Variants in FSTL4 observed in about 807,000 individuals in gnomAD.
FSTL4 encodes follistatin-related protein 4.
In FSTL4, 28 loss-of-function variants were observed where a neutral mutation model predicts 78.2. The observed-to-expected ratio is 0.36, with a 90% confidence interval of 0.27 to 0.49. The LOEUF (loss-of-function observed/expected upper bound fraction) is 0.49, where lower values mean the gene tolerates loss of function less well. FSTL4 is among the 20% of genes least tolerant of loss of function. The pLI is 0.98. For synonymous variants in FSTL4, 422 were observed against 440.5 expected (o/e 0.96, Z 0.53); for missense variants, 922 against 1,084.9 (o/e 0.85, Z 2.11).
chr5:133,340,590 G>C (rs762743040), intron 4 of FSTL4, among the ~76,000 whole-genome samples: 7 of 152,046 alleles, frequency 4.6e-5, no homozygotes, highest in Non-Finnish European at 7.4e-5. Flanking sequence ...CACATTTCCT[G>C]GTATCTCTAA....
At position 133,605,484 on chromosome 5, in the gene FSTL4, T is replaced by G. The variant is rs376076385; in HGVS notation, c.-10-1491A>C. On this transcript the variant is annotated intron_variant, in intron 1 of 15. Transcript: ENST00000265342. ...CTACTTTAGACAATGGGGTGGAAGT[T>G]GTCACATAGTCACTAGTGCTGAGTC... Among the ~76,000 whole-genome samples the G allele has an allele frequency of 6.6e-4, 100 of 152,294 alleles. 4 individuals carry two copies. In the South Asian group the frequency reaches 0.02, roughly 31 times the overall value.
chr5:133,788,688 G>A, the FSTL4 span, among the ~76,000 whole-genome samples: 4 of 152,300 alleles, frequency 2.6e-5, no homozygotes, highest in Admixed American at 2.6e-4. Flanking sequence ...CATTGTTCTT[G>A]TGTGAATTCC....
chr5:133,309,641 A>G (rs1001950671), intron 6 of FSTL4, among the ~76,000 whole-genome samples: 1 of 152,228 alleles, frequency 6.6e-6, no homozygotes, highest in African/African-American at 2.4e-5. Context: ...AGCCAGGGCC[A>G]GGCCAGCTGC....
intron 3 of FSTL4, among the ~76,000 whole-genome samples, chr5:133,428,550 G>C (rs1756874586): frequency 2.6e-5 from 4 of 152,222 alleles, no homozygotes; most frequent in South Asian, 4.1e-4. Context: ...CTGGGCATGA[G>C]ACCTGTGTGA....
chr5:133,674,595 GTGTGTGTGTGTGTGTC>G, the FSTL4 span, among the ~76,000 whole-genome samples: 1 of 148,994 alleles, frequency 6.7e-6, no homozygotes, highest in Non-Finnish European at 1.5e-5. Context: ...ATGTGTGTGT[GTGTGTGTGTGTGTGTC>G]TGTGTGTGTG....
intron 6 of FSTL4, among the ~76,000 whole-genome samples, chr5:133,250,325 C>G (rs1752180981): frequency 6.6e-6 from 1 of 152,212 alleles, no homozygotes; most frequent in Admixed American, 6.5e-5. Context: ...TAATCAAACT[C>G]AGGCTGCTCA....
At position 133,361,371 on chromosome 5, in the gene FSTL4, T is replaced by C. The variant is rs1755065843; in HGVS notation, c.409+39367A>G. On this transcript the variant is annotated intron_variant, in intron 4 of 15. Coordinates refer to ENST00000265342, the MANE Select transcript of FSTL4 (RefSeq NM_015082.2). This position sits in a 1 kb window ranked among gnomAD's most constrained non-coding sequence, Gnocchi z 4.3. ...GATAATCCTTTATAGTTATTTACTA[T>C]CTAATTGAGAAGCACCCTTTCTGTC... Among the ~76,000 whole-genome samples the C allele has an allele frequency of 2.6e-5, 4 of 152,210 alleles. No homozygotes were observed.
At chr5:133,200,780 TC>T (rs1750296120) in intron 15 of FSTL4, among the ~76,000 whole-genome samples, 1 of 152,170 alleles carries the variant, frequency 6.6e-6, no homozygotes, top group African/African-American at 2.4e-5. Flanking sequence ...TCTGTAGTTT[TC>T]TCTAGAAAAA....
At chr5:133,694,738 G>A in the FSTL4 span, among the ~76,000 whole-genome samples, 1 of 152,152 alleles carries the variant, frequency 6.6e-6, no homozygotes, top group East Asian at 1.9e-4. Context: ...ATTTCTCATG[G>A]TTCCGGAGGC....
chr5:133,567,466 C>T (rs1760051566), intron 2 of FSTL4, among the ~76,000 whole-genome samples: 1 of 152,212 alleles, frequency 6.6e-6, no homozygotes, highest in Non-Finnish European at 1.5e-5. Flanking sequence ...GAGCACAGCT[C>T]ATTCTCAGGG....
chr5:133,452,702 G>C (rs1355093899), intron 3 of FSTL4, among the ~76,000 whole-genome samples: 1 of 152,250 alleles, frequency 6.6e-6, no homozygotes. Flanking sequence ...AAGTAGTAGA[G>C]CCAGGATTTG....
chr5:133,486,550 T>C (rs1190705093), intron 3 of FSTL4, among the ~76,000 whole-genome samples: 1 of 152,164 alleles, frequency 6.6e-6, no homozygotes, highest in African/African-American at 2.4e-5. Flanking sequence ...AGGAGATAAG[T>C]TGAAGAAAAA....
chr5:133,346,579 T>C (rs1047707440), intron 4 of FSTL4, among the ~76,000 whole-genome samples: 5 of 152,310 alleles, frequency 3.3e-5, no homozygotes, highest in Admixed American at 2.6e-4. Flanking sequence ...TTCTGAAATA[T>C]CAAGAGGATA....
chr5:133,767,882 G>A, the FSTL4 span, among the ~76,000 whole-genome samples: 1 of 152,212 alleles, frequency 6.6e-6, no homozygotes, highest in Non-Finnish European at 1.5e-5. Context: ...TCCCTCTGTA[G>A]CAACTAGAAT....
the FSTL4 span, among the ~76,000 whole-genome samples, chr5:133,839,713 A>G: frequency 2.0e-5 from 3 of 152,260 alleles, no homozygotes; most frequent in Admixed American, 6.5e-5. Context: ...GAGCTAAGTC[A>G]TGGCTGAGCG....
chr5:133,616,101 A>T (rs1761193390), upstream of FSTL4, among the ~76,000 whole-genome samples: 1 of 152,218 alleles, frequency 6.6e-6, no homozygotes, highest in Non-Finnish European at 1.5e-5. Flanking sequence ...ATTGTTTACA[A>T]GGGATAATTG....
intron 14 of FSTL4, among the ~76,000 whole-genome samples, chr5:133,203,562 G>T (rs1445695790): frequency 6.6e-6 from 1 of 152,174 alleles, no homozygotes; most frequent in East Asian, 1.9e-4. Context: ...GTTGCATTAG[G>T]TTATTTCTCT....
rs375965502 is a variant in FSTL4 at position 133,332,112 on chromosome 5, C to T, written c.410-15460G>A. On this transcript the variant is annotated intron_variant, in intron 4 of 15. Transcript: ENST00000265342. ...GTTGGCAGTGGGGATAAACAGCAAA[C>T]CAGGTGTGGGTCCTCCGAGCGCTCA... Among the ~76,000 whole-genome samples the T allele has an allele frequency of 1.9e-3, 296 of 152,314 alleles. 2 individuals are homozygous for T. The highest frequency in any genetic ancestry group is 7.0e-3 in the African/African-American group (290 of 41,578).
intron 2 of FSTL4, among the ~76,000 whole-genome samples, chr5:133,592,411 A>C (rs1760651334): frequency 6.6e-6 from 1 of 152,224 alleles, no homozygotes; most frequent in Non-Finnish European, 1.5e-5. Context: ...ATTTTGAATA[A>C]ATTCAGATTT....
Sources: gnomAD v4.1 joint callset for allele counts (sites outside exome capture counted in the v4.1 genomes callset) on GRCh38, gnomAD v4.1.1 for gene constraint, Gnocchi (gnomAD v3.1) non-coding constraint, MANE v1.5 for transcripts, NCBI Gene and HGNC (gene_info 2026-07-23, HGNC 2026-07-21) for gene names.